Variants in NSUN6 observed in about 807,000 individuals in gnomAD.
NSUN6 encodes the protein tRNA (cytosine(72)-C(5))-methyltransferase NSUN6.
Under a neutral mutation model 58.0 loss-of-function variants are expected in NSUN6, and 64 were observed. The ratio of observed to expected loss-of-function variants is 1.10; its 90% CI spans 0.90 to 1.36. The LOEUF is 1.36. Among genes scored for constraint, NSUN6 ranks in the 40% most tolerant of loss-of-function variants. The probability of loss-of-function intolerance (pLI) is 0.00; values close to 1 mark genes in which losing one functional copy is unlikely to be tolerated. For missense variants in NSUN6, 701 were observed against 550.1 expected (o/e 1.27, Z -2.74); for synonymous variants, 231 against 193.9 (o/e 1.19, Z -1.59).
intron 3 of NSUN6, among the ~76,000 whole-genome samples, chr10:18,633,861 A>G (rs560108389): frequency 3.9e-5 from 6 of 152,330 alleles, no homozygotes; most frequent in African/African-American, 1.2e-4. Context: ...TAAACAAATA[A>G]GAAAGCCTTC....
At chr10:18,584,973 G>A (rs1480835024) in intron 8 of NSUN6, among the ~76,000 whole-genome samples, 3 of 132,526 alleles carry the variant, frequency 2.3e-5, no homozygotes, top group Non-Finnish European at 1.6e-5. Flanking sequence ...ATTTCAAATA[G>A]ATCTTTCAAA....
chr10:18,552,258 C>T (rs116554121), intron 8 of NSUN6, among the ~76,000 whole-genome samples: 22 of 152,256 alleles, frequency 1.4e-4, no homozygotes, highest in African/African-American at 5.3e-4. Flanking sequence ...GAAGCCACAA[C>T]TCATCAAAGC....
chr10:18,644,326 A>G (rs1307790218), intron 2 of NSUN6, among the ~76,000 whole-genome samples: 2 of 152,202 alleles, frequency 1.3e-5, no homozygotes, highest in African/African-American at 4.8e-5. Context: ...CCAGAAGTAG[A>G]AAATTCCATA....
intron 8 of NSUN6, among the ~76,000 whole-genome samples, chr10:18,581,643 G>T (rs2056909017): frequency 6.6e-6 from 1 of 152,082 alleles, no homozygotes; most frequent in African/African-American, 2.4e-5. Context: ...TGGCCAACAT[G>T]GTGAAACCCC....
chr10:18,655,553 C>CACTAAAG (rs2059767802), upstream of NSUN6, among the ~76,000 whole-genome samples: 1 of 152,136 alleles, frequency 6.6e-6, no homozygotes, highest in Admixed American at 6.5e-5. Context: ...GACCTAAATT[C>CACTAAAG]TGACATGTCA....
chr10:18,632,749 G>A (rs1195886433), intron 3 of NSUN6, among the ~76,000 whole-genome samples: 1 of 152,122 alleles, frequency 6.6e-6, no homozygotes, highest in African/African-American at 2.4e-5. Context: ...TAAAAAGTCA[G>A]GAAACAACAG....
At chr10:18,552,349 A>G (rs1296996350) in intron 8 of NSUN6, among the ~76,000 whole-genome samples, 1 of 151,192 alleles carries the variant, frequency 6.6e-6, no homozygotes, top group African/African-American at 2.4e-5. Flanking sequence ...CCCCAAGAAA[A>G]TGCCTGTTTG....
At position 18,594,026 on chromosome 10, in the gene NSUN6, C is replaced by G. The variant is rs572300670; in HGVS notation, c.777+2182G>C. On this transcript the variant is annotated intron_variant, in intron 7 of 10. Transcript: ENST00000377304. ...ACCATCCTGGCCAACATGGTGAAAC[C>G]CCATCTCTACTAAAAATACAAAAAT... 2.6e-5 allele frequency among the ~76,000 whole-genome samples: 4 copies of G among 151,858 alleles called. No homozygotes were observed. In the South Asian group the frequency reaches 8.3e-4, roughly 32 times the overall value.
At chr10:18,557,317 C>T (rs544656263) in intron 8 of NSUN6, among the ~76,000 whole-genome samples, 68 of 143,634 alleles carry the variant, frequency 4.7e-4, no homozygotes, top group African/African-American at 1.5e-3. Flanking sequence ...AATGGCGAAG[C>T]GGATGGAATG....
At position 18,645,618 on chromosome 10, in the gene NSUN6, A is replaced by G. The variant is rs947126307; in HGVS notation, c.231+2872T>C. ...TGTATGAATATATCACATTTTGTTTATCTACTTAAGAGCTGATGTATATTT... is the reference window on the plus strand; with the variant it reads ...TGTATGAATATATCACATTTTGTTTGTCTACTTAAGAGCTGATGTATATTT... On this transcript the variant is annotated intron_variant, in intron 2 of 10. Coordinates refer to ENST00000377304, the MANE Select transcript of NSUN6 (RefSeq NM_182543.5). 2.6e-5 allele frequency among the ~76,000 whole-genome samples: 4 copies of G among 152,164 alleles called. No individual in the cohort carries two copies. In the South Asian group the frequency reaches 6.2e-4, roughly 24 times the overall value.
chr10:18,643,110 G>C (rs117969136), intron 2 of NSUN6, among the ~76,000 whole-genome samples: 1 of 151,914 alleles, frequency 6.6e-6, no homozygotes, highest in Non-Finnish European at 1.5e-5. Context: ...GCCACTGCAT[G>C]CATCTCTTTC....
intron 3 of NSUN6, among the ~76,000 whole-genome samples, chr10:18,618,179 C>T (rs2058478863): frequency 6.6e-6 from 1 of 152,156 alleles, no homozygotes; most frequent in African/African-American, 2.4e-5. Flanking sequence ...AAATAGCTTC[C>T]TGCCTTTTAC....
At chr10:18,571,019 ATTCCATTCCATTCTCTACT>A (rs2056329522) in intron 8 of NSUN6, among the ~76,000 whole-genome samples, 1 of 144,984 alleles carries the variant, frequency 6.9e-6, no homozygotes, top group South Asian at 2.2e-4. Context: ...TCAATTCCCC[ATTCCATTCCATTCTCTACT>A]TTCCATTCCA....
At chr10:18,639,646 G>T (rs1017672471) in intron 3 of NSUN6, among the ~76,000 whole-genome samples, 1 of 149,118 alleles carries the variant, frequency 6.7e-6, no homozygotes, top group African/African-American at 2.4e-5. Context: ...CTCACCATTT[G>T]TATTTATACA....
intron 7 of NSUN6, among the ~76,000 whole-genome samples, chr10:18,594,989 C>G (rs1266106875): frequency 6.6e-6 from 1 of 152,228 alleles, no homozygotes; most frequent in South Asian, 2.1e-4. Context: ...CAGCCCCCAA[C>G]TACTGCCCTC....
At chr10:18,640,705 A>G (rs2059365429) in intron 3 of NSUN6, among the ~76,000 whole-genome samples, 1 of 152,132 alleles carries the variant, frequency 6.6e-6, no homozygotes, top group African/African-American at 2.4e-5. Context: ...ATTTGTCAAA[A>G]CCCAACAAAC....
intron 3 of NSUN6, among the ~76,000 whole-genome samples, chr10:18,624,728 A>G (rs1219060783): frequency 3.1e-5 from 4 of 129,514 alleles, no homozygotes; most frequent in African/African-American, 1.1e-4. Flanking sequence ...GAAAAAAAAA[A>G]TTAAAGTAAC....
intron 6 of NSUN6, among the ~76,000 whole-genome samples, chr10:18,606,737 T>C (rs2058060981): frequency 6.6e-6 from 1 of 152,114 alleles, no homozygotes; most frequent in Non-Finnish European, 1.5e-5. Flanking sequence ...CTTTTCAACC[T>C]GATGAGAGGA....
intron 8 of NSUN6, among the ~76,000 whole-genome samples, chr10:18,554,132 T>G (rs745534492): frequency 7.0e-6 from 1 of 143,112 alleles, no homozygotes; most frequent in Admixed American, 7.0e-5. Flanking sequence ...TAGAATTGAA[T>G]GGAGAATGGA....
Sources: gnomAD v4.1 joint callset for allele counts (sites outside exome capture counted in the v4.1 genomes callset) on GRCh38, gnomAD v4.1.1 for gene constraint, MANE v1.5 for transcripts, NCBI Gene and HGNC (gene_info 2026-07-23, HGNC 2026-07-21) for gene names.